SPIB: variants seen among roughly 807,000 people sequenced by gnomAD.
SPIB encodes transcription factor Spi-B.
SPIB carries 7 observed loss-of-function variants against 31.9 expected under a neutral mutation model. The observed-to-expected ratio is 0.22, with a 90% CI of 0.12 to 0.41. The LOEUF is 0.41. Among genes scored for constraint, SPIB ranks in the 10% least tolerant of loss-of-function variants. The pLI, the probability that SPIB is intolerant of heterozygous loss-of-function variation, is 1.00. For synonymous variants in SPIB, 176 were observed against 158.9 expected (o/e 1.11, Z -0.81); for missense variants, 327 against 360.2 (o/e 0.91, Z 0.75).
rs1467481581 is a variant in SPIB, at chr19:50,423,619, G to A, written c.354G>A (p.Pro118=). The A allele has an allele frequency of 6.2e-6, 10 of 1,613,836 alleles. No homozygotes were observed. Among genetic ancestry groups the A allele is most frequent in the Non-Finnish European group, 7.6e-6 (9 of 1,179,888 alleles). Residue 118 remains proline (P), a synonymous_variant, in exon 5 of 6, where the codon CCG becomes CCA. Transcript: ENST00000595883. ...ENFASQTLVP[P]AYAPYPSPVL... ...ACCTTCCGCAGACCCTGGTTCCCCC[G>A]GCATATGCCCCGTACCCCAGCCCTG...
chr19:50,426,170 C>T (rs1194793802), intron 5 of SPIB, among the ~76,000 whole-genome samples: 1 of 152,106 alleles, frequency 6.6e-6, no homozygotes, highest in Non-Finnish European at 1.5e-5. Context: ...GATCATGCCA[C>T]TGCACTCCAG....
Position 50,428,165 on chromosome 19 carries a change from A to G in SPIB, c.618A>G (p.Glu206=), listed in dbSNP as rs1313736918. 1.3e-6 allele frequency: 2 copies of G among 1,589,668 alleles called. No individual in the cohort carries two copies. Among genetic ancestry groups the G allele is most frequent in the Non-Finnish European group, 1.7e-6 (2 of 1,168,250 alleles). ...TCCAGTTCTCCTCCAAGCACAAGGA[A>G]CTCCTGGCGCGCCGCTGGGGCCAGC... The part of the protein sequence containing the change: ...GVFQFSSKHK[E]LLARRWGQQK... Residue 206 remains glutamate, a synonymous_variant, in exon 6 of 6, where the codon GAA becomes GAG. Transcript: ENST00000595883. The surrounding 1 kb of genome is among the most constrained non-coding windows in gnomAD (Gnocchi z 6.5).
At position 50,428,446 on chromosome 19, in the gene SPIB, A is replaced by T; in HGVS notation, c.*110A>T. On this transcript the variant is annotated 3_prime_UTR_variant, in exon 6 of 6. Transcript: ENST00000595883. The surrounding 1 kb of genome is among the most constrained non-coding windows in gnomAD (Gnocchi z 6.5). ...ACACTCTAGGTGATAGGACTTACGCATCCCCACCTTTTGGGGTAAGGGGAG... is the reference window on the plus strand; with the variant it reads ...ACACTCTAGGTGATAGGACTTACGCTTCCCCACCTTTTGGGGTAAGGGGAG... 1 of 1,233,266 alleles carries T rather than the reference A, an allele frequency of 8.1e-7. No homozygotes were observed. Among genetic ancestry groups the T allele is most frequent in the South Asian group, 1.6e-5 (1 of 63,036 alleles). The allele number at this position is 1,233,266 out of a possible 1,614,324, so 76.4% of individuals were successfully genotyped here. A position where few individuals can be genotyped will look rare whatever the true frequency, so the allele number is the denominator to read the frequency against.
At chr19:50,419,393 C>T (rs141909900) in intron 1 of SPIB, among the ~76,000 whole-genome samples, 2 of 152,266 alleles carry the variant, frequency 1.3e-5, no homozygotes, top group African/African-American at 4.8e-5. Flanking sequence ...CCAGTTCTCG[C>T]TCTCCCTGCC....
At chr19:50,422,634 AC>A (rs1176979771) in intron 3 of SPIB, 89 bp downstream of exon 3, 1 of 1,439,938 alleles carries the variant, frequency 6.9e-7, no homozygotes, top group African/African-American at 1.4e-5. Flanking sequence ...ATTTCCTAGC[AC>A]AACAGGATAA....
intron 5 of SPIB, 84 bp from the exon 6 acceptor site, chr19:50,427,954 G>T: frequency 7.1e-7 from 1 of 1,405,718 alleles, no homozygotes; most frequent in South Asian, 1.5e-5. Context: ...TGGAGGCCGG[G>T]GTGGAAGTCT....
chr19:50,427,004 C>T (rs1057505870), intron 5 of SPIB, among the ~76,000 whole-genome samples: 3 of 151,716 alleles, frequency 2.0e-5, no homozygotes, highest in South Asian at 2.1e-4. Flanking sequence ...ATGGTGCATA[C>T]TTGTAGTCCC....
intron 2 of SPIB, among the ~76,000 whole-genome samples, chr19:50,421,386 G>A (rs918559701): frequency 3.3e-5 from 5 of 152,026 alleles, no homozygotes; most frequent in East Asian, 1.9e-4. Flanking sequence ...ACAGTGGTGC[G>A]ATCTCGGCTC....
At chr19:50,425,808 C>G (rs1489064972) in intron 5 of SPIB, among the ~76,000 whole-genome samples, 1 of 152,164 alleles carries the variant, frequency 6.6e-6, no homozygotes, top group Admixed American at 6.5e-5. Context: ...GCCACACACA[C>G]CAGGTCAGGG....
intron 2 of SPIB, among the ~76,000 whole-genome samples, chr19:50,420,193 G>A (rs2039477014): frequency 6.6e-6 from 1 of 151,970 alleles, no homozygotes; most frequent in Non-Finnish European, 1.5e-5. Context: ...ATCTCTCTCT[G>A]CCCATCCCAT....
intron 1 of SPIB, among the ~76,000 whole-genome samples, chr19:50,419,336 T>C (rs924545729): frequency 6.6e-6 from 1 of 152,144 alleles, no homozygotes; most frequent in South Asian, 2.1e-4. Flanking sequence ...CTCTCAACAT[T>C]CTGCCTGTTG....
chr19:50,427,021 TG>T (rs1220016994), intron 5 of SPIB, among the ~76,000 whole-genome samples: 1 of 151,818 alleles, frequency 6.6e-6, no homozygotes, highest in Non-Finnish European at 1.5e-5. Context: ...TCCCAGCTAC[TG>T]GGGAGGCTGG....
intron 5 of SPIB, among the ~76,000 whole-genome samples, 166 bp from the exon 6 acceptor site, chr19:50,427,872 C>A (rs1353583174): frequency 6.8e-6 from 1 of 146,472 alleles, no homozygotes; most frequent in Non-Finnish European, 1.5e-5. Flanking sequence ...CCCCCCCCCC[C>A]CGTGGTGAGG....
chr19:50,430,298 T>C lies in SPIB; in HGVS notation c.*1962T>C. 6.6e-6 allele frequency: 1 copy of C among 152,320 alleles called. No homozygotes were observed. Among genetic ancestry groups the C allele is most frequent in the Non-Finnish European group, 1.5e-5 (1 of 68,130 alleles). The allele number at this position is 152,320 out of a possible 1,614,324, so 9.4% of individuals were successfully genotyped here. A position where few individuals can be genotyped will look rare whatever the true frequency, so the allele number is the denominator to read the frequency against. On this transcript the variant is annotated 3_prime_UTR_variant, in exon 6 of 6. Coordinates refer to ENST00000595883, the MANE Select transcript of SPIB (RefSeq NM_003121.5). ...CCTGGGTGGACTATGGAGCCCTGGTTGGGACCCCCAGGGAGTCAAAGGCTG... is the reference window on the plus strand; with the variant it reads ...CCTGGGTGGACTATGGAGCCCTGGTCGGGACCCCCAGGGAGTCAAAGGCTG...
rs767406134 is a variant in SPIB at position 50,428,144 on chromosome 19, G to T, written c.597G>T (p.Gln199His). ...TGGAGCCAGGCGCCGGCGTCTTCCA[G>T]TTCTCCTCCAAGCACAAGGAACTCC... Reference protein sequence around the residue: ...WWVEPGAGVFQFSSKHKELLA... With the variant: ...WWVEPGAGVFHFSSKHKELLA... The change falls in exon 6 of 6, where the codon CAG becomes CAT. Residue 199 changes from glutamine (Q) to histidine (H), a missense_variant. This residue lies in a region of SPIB where 54 missense variants were observed against 69.5 expected (regional missense o/e 0.78). Transcript: ENST00000595883. The surrounding 1 kb of genome is among the most constrained non-coding windows in gnomAD (Gnocchi z 6.5). 1.3e-6 allele frequency: 2 copies of T among 1,587,928 alleles called. No homozygotes were observed. The highest frequency in any genetic ancestry group is 1.7e-6 in the Non-Finnish European group (2 of 1,166,974).
intron 5 of SPIB, among the ~76,000 whole-genome samples, chr19:50,424,810 T>G (rs962365060): frequency 1.6e-4 from 23 of 146,850 alleles, no homozygotes; most frequent in African/African-American, 5.3e-4. Context: ...GAAAAAAAAA[T>G]TAATGGGGCA....
rs768003511 is a variant in SPIB, at chr19:50,423,657, A to T, written c.392A>T (p.Glu131Val). Residue 131 changes from glutamate (E) to valine (V), a missense_variant, in exon 5 of 6, where the codon GAG becomes GTG. Coordinates refer to ENST00000595883, the MANE Select transcript of SPIB (RefSeq NM_003121.5). ...APYPSPVLSE[E>V]EDLPLDSPAL... The stretch of plus-strand genomic sequence containing the variant: ...TACCCCAGCCCTGTGCTATCAGAGG[A>T]GGAAGACTTACCGTTGGACAGCCCT... 3.1e-6 allele frequency: 5 copies of T among 1,613,898 alleles called. No homozygotes were observed. The East Asian group carries it at 1.1e-4, about 36-fold the overall frequency.
intron 1 of SPIB, 148 bp downstream of exon 1, chr19:50,419,133 T>A: frequency 1.1e-6 from 1 of 898,640 alleles, no homozygotes; most frequent in Non-Finnish European, 1.7e-6. Context: ...TTGCCCCTTC[T>A]GGTTCTGTTC....
chr19:50,427,759 C>T (rs188638839), intron 5 of SPIB, among the ~76,000 whole-genome samples: 1 of 152,302 alleles, frequency 6.6e-6, no homozygotes, highest in East Asian at 1.9e-4. Flanking sequence ...TACGTGCTGG[C>T]CGCAGGGCGG....
Sources: gnomAD v4.1 joint callset for allele counts (sites outside exome capture counted in the v4.1 genomes callset) on GRCh38, gnomAD v4.1.1 for gene constraint, gnomAD v4.1.1 regional missense constraint, Gnocchi (gnomAD v3.1) non-coding constraint, MANE v1.5 for transcripts, NCBI Gene and HGNC (gene_info 2026-07-23, HGNC 2026-07-21) for gene names.